Variants in BABAM2 observed in about 807,000 individuals in gnomAD.
BABAM2 encodes the protein BRISC and BRCA1 A complex member 2.
BABAM2 carries 31 observed loss-of-function variants against 54.7 expected under a neutral mutation model. That is an observed-to-expected ratio of 0.57 (90% CI 0.43 to 0.77). The LOEUF is 0.77. Ranked by LOEUF, BABAM2 falls within the 30% of genes least tolerant of loss-of-function variation. The pLI is 0.00. For missense variants in BABAM2, 364 were observed against 455.8 expected (o/e 0.80, Z 1.83); for synonymous variants, 167 against 162.9 (o/e 1.03, Z -0.19).
At chr2:28,036,999 C>CAATG (rs1223244248) in intron 5 of BABAM2, among the ~76,000 whole-genome samples, 3 of 152,088 alleles carry the variant, frequency 2.0e-5, no homozygotes, top group Non-Finnish European at 2.9e-5. Flanking sequence ...AATATTTGTT[C>CAATG]AATGAATGAA....
At chr2:28,075,744 A>C in intron 6 of BABAM2, among the ~76,000 whole-genome samples, 1 of 152,174 alleles carries the variant, frequency 6.6e-6, no homozygotes, top group Non-Finnish European at 1.5e-5. Context: ...AGTCACTGCA[A>C]ATAGGCAGCT....
At chr2:28,271,928 G>T (rs551270033) in intron 10 of BABAM2, among the ~76,000 whole-genome samples, 1 of 152,360 alleles carries the variant, frequency 6.6e-6, no homozygotes, top group African/African-American at 2.4e-5. Flanking sequence ...ATGGTGGAAT[G>T]TAGAGGTGGT....
At chr2:27,990,746 A>G (rs1573340943) in intron 4 of BABAM2, among the ~76,000 whole-genome samples, 1 of 152,030 alleles carries the variant, frequency 6.6e-6, no homozygotes, top group African/African-American at 2.4e-5. Context: ...AATATTTGAG[A>G]AAAAAATGAC....
At chr2:28,168,462 A>G (rs6725130) in intron 7 of BABAM2, among the ~76,000 whole-genome samples, 152,158 of 152,316 alleles carry the variant, frequency 1, 76,000 homozygotes, top group Middle Eastern at 1. Flanking sequence ...AGCTTGCCCG[A>G]TCTGCTTTGT....
chr2:28,156,758 T>A (rs1357869399), intron 7 of BABAM2, among the ~76,000 whole-genome samples: 1 of 152,178 alleles, frequency 6.6e-6, no homozygotes, highest in African/African-American at 2.4e-5. Flanking sequence ...GGAATTCTGA[T>A]TTTGTGACTT....
At chr2:28,053,262 G>T (rs929534474) in intron 6 of BABAM2, among the ~76,000 whole-genome samples, 3 of 152,152 alleles carry the variant, frequency 2.0e-5, no homozygotes, top group Non-Finnish European at 4.4e-5. Flanking sequence ...TTTGAAATCA[G>T]TAAAGTCACA....
rs944841341 is a variant in BABAM2, at chr2:27,995,343, C to G, written c.300+7256C>G. Among the ~76,000 whole-genome samples, 1 of 152,120 alleles carries G rather than the reference C, an allele frequency of 6.6e-6. No homozygotes were observed. The highest frequency in any genetic ancestry group is 2.4e-5 in the African/African-American group (1 of 41,416). ...CACAGAACCAGGATAAGAAGCTCCT[C>G]CCTCTGCTGTGCCTTGCACTGTTCC... is the stretch of plus-strand genomic sequence containing the variant. On this transcript the variant is annotated intron_variant, in intron 4 of 11. Coordinates refer to ENST00000379624, the MANE Select transcript of BABAM2 (RefSeq NM_199191.3). The surrounding 1 kb of genome is among the most constrained non-coding windows in gnomAD (Gnocchi z 4.1).
rs184093660 is a variant in BABAM2, at chr2:28,309,855, C to T, written c.1088+11364C>T. On this transcript the variant is annotated intron_variant, in intron 11 of 11. Coordinates refer to ENST00000379624, the MANE Select transcript of BABAM2 (RefSeq NM_199191.3). ...CGGGTGATCAGAGCCCCCGAGAAGA[C>T]AATAAAGTCAGTGCTGGTGAGCGAC... The T allele has an allele frequency of 3.9e-4, 205 of 521,364 alleles. No homozygotes were observed. In the East Asian group the frequency reaches 6.2e-3, roughly 16 times the overall value. 32.3% of individuals were successfully genotyped at this position (521,364 alleles called of 1,614,324 possible).
At chr2:27,950,425 T>C (rs1255177309) in intron 3 of BABAM2, among the ~76,000 whole-genome samples, 1 of 152,224 alleles carries the variant, frequency 6.6e-6, no homozygotes, top group Non-Finnish European at 1.5e-5. Context: ...GGTTTTTCTC[T>C]TTTAATGTTA....
chr2:28,158,385 A>T (rs1410134125), intron 7 of BABAM2, among the ~76,000 whole-genome samples: 2 of 152,260 alleles, frequency 1.3e-5, no homozygotes, highest in African/African-American at 2.4e-5. Flanking sequence ...CACTTGAATA[A>T]CTACATCAAC....
intron 4 of BABAM2, among the ~76,000 whole-genome samples, chr2:28,023,888 A>G (rs1287574608): frequency 6.6e-6 from 1 of 152,152 alleles, no homozygotes; most frequent in East Asian, 1.9e-4. Context: ...AGGATCCCTG[A>G]GACCATTTCA....
At chr2:28,076,610 C>T (rs1370774723) in intron 6 of BABAM2, among the ~76,000 whole-genome samples, 2 of 152,020 alleles carry the variant, frequency 1.3e-5, no homozygotes, top group Admixed American at 1.3e-4. Context: ...ATTCTCCTGC[C>T]TCAGCCTCCC....
At chr2:28,327,720 G>T (rs1255410218) in intron 11 of BABAM2, among the ~76,000 whole-genome samples, 3 of 152,186 alleles carry the variant, frequency 2.0e-5, no homozygotes, top group African/African-American at 7.2e-5. Flanking sequence ...GTGGAATCGA[G>T]TAGAGGGGAG....
At chr2:28,251,939 C>T (rs924732316) in intron 10 of BABAM2, among the ~76,000 whole-genome samples, 1 of 151,978 alleles carries the variant, frequency 6.6e-6, no homozygotes, top group Admixed American at 6.6e-5. Context: ...GCCCGTAATC[C>T]CAGCACTTGG....
chr2:28,249,617 C>T (rs1683255077), intron 10 of BABAM2, among the ~76,000 whole-genome samples: 1 of 152,148 alleles, frequency 6.6e-6, no homozygotes, highest in Admixed American at 6.5e-5. Context: ...ATGCAAGACA[C>T]AGTTATATGA....
At chr2:28,089,427 T>G (rs1434133394) in intron 6 of BABAM2, among the ~76,000 whole-genome samples, 1 of 152,254 alleles carries the variant, frequency 6.6e-6, no homozygotes, top group East Asian at 1.9e-4. Flanking sequence ...GGCAGTTTGC[T>G]AAGTGATTTT....
At position 28,279,393 on chromosome 2, in the gene BABAM2, C is replaced by A. The variant is rs149345666; in HGVS notation, c.935-18945C>A. ...TTTGTTATCTCCACTTTGATTATCT[C>A]CTAAATAAAAATGGCACAGTATGAA... On this transcript the variant is annotated intron_variant, in intron 10 of 11. Coordinates refer to ENST00000379624, the MANE Select transcript of BABAM2 (RefSeq NM_199191.3). Among the ~76,000 whole-genome samples the A allele has an allele frequency of 7.0e-3, 1,060 of 152,238 alleles. 13 individuals carry two copies. The highest frequency in any genetic ancestry group is 0.049 in the South Asian group (236 of 4,812).
At chr2:28,106,994 AT>A (rs1262165250) in intron 6 of BABAM2, among the ~76,000 whole-genome samples, 1 of 152,114 alleles carries the variant, frequency 6.6e-6, no homozygotes, top group Non-Finnish European at 1.5e-5. Context: ...CTTTATGCAT[AT>A]TTGTAACTTC....
At chr2:27,962,372 A>G (rs1461491729) in intron 3 of BABAM2, among the ~76,000 whole-genome samples, 1 of 152,132 alleles carries the variant, frequency 6.6e-6, no homozygotes, top group Non-Finnish European at 1.5e-5. Flanking sequence ...AAGTGGTGGG[A>G]TTACAGGTGT....
Sources: gnomAD v4.1 joint callset for allele counts (sites outside exome capture counted in the v4.1 genomes callset) on GRCh38, gnomAD v4.1.1 for gene constraint, Gnocchi (gnomAD v3.1) non-coding constraint, MANE v1.5 for transcripts, NCBI Gene and HGNC (gene_info 2026-07-23, HGNC 2026-07-21) for gene names.